The following TGFBRAP1 variants were observed in gnomAD, a reference collection of about 807,000 sequenced individuals.
TGFBRAP1 encodes the protein transforming growth factor-beta receptor-associated protein 1.
In TGFBRAP1, 20 loss-of-function variants were observed where a neutral mutation model predicts 83.2. That is an observed-to-expected ratio of 0.24 (90% confidence interval 0.17 to 0.35). The LOEUF (loss-of-function observed/expected upper bound fraction) is 0.35, where lower values mean the gene tolerates loss of function less well. TGFBRAP1 is among the 10% of genes least tolerant of loss of function. The pLI is 1.00. For synonymous variants in TGFBRAP1, 415 were observed against 459.8 expected (o/e 0.90, Z 1.25); for missense variants, 950 against 1,099.4 (o/e 0.86, Z 1.92).
intron 5 of TGFBRAP1, among the ~76,000 whole-genome samples, chr2:105,281,451 G>A (rs559044928): frequency 1.3e-5 from 2 of 152,236 alleles, no homozygotes; most frequent in East Asian, 3.9e-4. Context: ...CACATGGAAT[G>A]GCGAGGAAGG....
At position 105,279,537 on chromosome 2, in the gene TGFBRAP1, AGG is replaced by A. The variant is rs533185964; in HGVS notation, c.1463+843_1463+844del. Among the ~76,000 whole-genome samples the A allele has an allele frequency of 2.9e-3, 448 of 151,946 alleles. 2 individuals carry two copies. Among genetic ancestry groups the A allele is most frequent in the African/African-American group, 0.01 (432 of 41,532 alleles). On this transcript the variant is annotated intron_variant, in intron 6 of 11. Coordinates refer to ENST00000393359, the MANE Select transcript of TGFBRAP1 (RefSeq NM_004257.6). Reference sequence around the variant, plus strand: ...CAGCTTCCCAAAATGCTGGGATTACAGGCATGAACCCCCATGTCCAGCCAAGG... The same window carrying A: ...CAGCTTCCCAAAATGCTGGGATTACACATGAACCCCCATGTCCAGCCAAGG...
chr2:105,316,462 T>TGTGTGTGTGTGTGCGCGCGCGCGCGC, intron 1 of TGFBRAP1, among the ~76,000 whole-genome samples: 1 of 84,816 alleles, frequency 1.2e-5, no homozygotes, highest in Non-Finnish European at 2.3e-5. Context: ...TGTGTGTGTG[T>TGTGTGTGTGTGTGCGCGCGCGCGCGC]GCGCGCGCGC....
Position 105,272,963 on chromosome 2 carries a change from G to A in TGFBRAP1, c.1864C>T (p.Leu622=), listed in dbSNP as rs535722402. Reference sequence around the variant, plus strand: ...TTGCCACTGGCGGAGGCCCTCTGCAGCAGCACCTCTTCCAGGTACAGCACA... The same window carrying A: ...TTGCCACTGGCGGAGGCCCTCTGCAACAGCACCTCTTCCAGGTACAGCACA... ...LAVLYLEEVL[L]QRASASGKGA... is the part of the protein sequence containing the mutation. Residue 622 remains leucine, a synonymous_variant, in exon 10 of 12, where the codon CTG becomes TTG. Transcript: ENST00000393359. 6.2e-7 allele frequency: 1 copy of A among 1,613,598 alleles called. No homozygotes were observed. The highest frequency in any genetic ancestry group is 1.3e-5 in the African/African-American group (1 of 75,020).
At chr2:105,327,818 G>C (rs997158483) in intron 1 of TGFBRAP1, among the ~76,000 whole-genome samples, 1 of 152,162 alleles carries the variant, frequency 6.6e-6, no homozygotes, top group East Asian at 1.9e-4. Flanking sequence ...CATGAGTGTA[G>C]AAGAAAAGGC....
chr2:105,314,390 AC>A (rs1678786594), intron 1 of TGFBRAP1, among the ~76,000 whole-genome samples: 1 of 151,076 alleles, frequency 6.6e-6, no homozygotes, highest in Admixed American at 6.6e-5. Flanking sequence ...AGCTGGGACT[AC>A]AGGCGCCTGC....
chr2:105,250,643 G>C, the TGFBRAP1 span, among the ~76,000 whole-genome samples: 1 of 125,542 alleles, frequency 8.0e-6, no homozygotes, highest in Non-Finnish European at 1.7e-5. Flanking sequence ...CTCTCCCCAC[G>C]GTCTCCCTCT....
intron 1 of TGFBRAP1, among the ~76,000 whole-genome samples, chr2:105,311,145 T>TAAAAA (rs11389565): frequency 1.6e-5 from 2 of 125,452 alleles, no homozygotes; most frequent in Admixed American, 8.0e-5. Context: ...GAGAGAGCTG[T>TAAAAA]AAAAAAAAAA....
chr2:105,316,462 T>TGTGTGTGTGTGTGTGCGCGC (rs1177329674), intron 1 of TGFBRAP1, among the ~76,000 whole-genome samples: 5 of 84,814 alleles, frequency 5.9e-5, no homozygotes, highest in African/African-American at 2.2e-4. Context: ...TGTGTGTGTG[T>TGTGTGTGTGTGTGTGCGCGC]GCGCGCGCGC....
intron 3 of TGFBRAP1, 37 bp downstream of exon 3, chr2:105,298,474 A>C (rs754909443): frequency 1.3e-6 from 2 of 1,532,020 alleles, no homozygotes; most frequent in Non-Finnish European, 8.8e-7. Context: ...TAAAAGAGTT[A>C]AGTAAATTTC....
chr2:105,316,746 G>A (rs574673150), intron 1 of TGFBRAP1, among the ~76,000 whole-genome samples: 15 of 151,744 alleles, frequency 9.9e-5, no homozygotes, highest in Admixed American at 5.2e-4. Context: ...CCTGGGAGGC[G>A]GAGGTTGCAG....
intron 1 of TGFBRAP1, among the ~76,000 whole-genome samples, chr2:105,320,890 A>G (rs1179081222): frequency 6.6e-6 from 1 of 152,214 alleles, no homozygotes; most frequent in Non-Finnish European, 1.5e-5. Flanking sequence ...ACCATTAACT[A>G]CAGTGGTGGG....
chr2:105,302,237 A>G (rs570506149), intron 2 of TGFBRAP1, among the ~76,000 whole-genome samples: 72 of 152,332 alleles, frequency 4.7e-4, no homozygotes, highest in African/African-American at 1.6e-3. Context: ...GTACTTTCAT[A>G]GGTTGCTGGG....
rs985835516 is a variant in TGFBRAP1 at position 105,265,943 on chromosome 2, A to G, written c.*1440T>C. ...CTCAGTAAGGCTTGGGCTGATGAAG[A>G]GAGGGTGTATTCAGGGTCCTCTCTT... On this transcript the variant is annotated 3_prime_UTR_variant, in exon 12 of 12. Coordinates refer to ENST00000393359, the MANE Select transcript of TGFBRAP1 (RefSeq NM_004257.6). The G allele has an allele frequency of 1.8e-4, 27 of 152,232 alleles. No homozygotes were observed. The highest frequency in any genetic ancestry group is 6.5e-4 in the African/African-American group (27 of 41,450). 9.4% of individuals were successfully genotyped at this position (152,232 alleles called of 1,614,324 possible).
intron 4 of TGFBRAP1, among the ~76,000 whole-genome samples, chr2:105,294,014 A>T (rs1331710458): frequency 2.0e-5 from 3 of 152,034 alleles, no homozygotes; most frequent in African/African-American, 7.2e-5. Context: ...TATTTTTTCG[A>T]GTAGAGAAGT....
At chr2:105,250,574 CCCTCTCCCT>C in the TGFBRAP1 span, among the ~76,000 whole-genome samples, 2 of 90,744 alleles carry the variant, frequency 2.2e-5, no homozygotes, top group African/African-American at 6.2e-5. Flanking sequence ...CTCCTCCTCT[CCCTCTCCCT>C]CCTCTCCCTC....
intron 1 of TGFBRAP1, among the ~76,000 whole-genome samples, chr2:105,327,826 G>A (rs1030002390): frequency 6.6e-6 from 1 of 152,102 alleles, no homozygotes; most frequent in African/African-American, 2.4e-5. Flanking sequence ...TAGAAGAAAA[G>A]GCAGAGTGAA....
intron 4 of TGFBRAP1, among the ~76,000 whole-genome samples, chr2:105,293,092 G>C (rs974112247): frequency 6.6e-6 from 1 of 152,124 alleles, no homozygotes; most frequent in African/African-American, 2.4e-5. Flanking sequence ...TGCTGATATG[G>C]GGGAATGACG....
chr2:105,298,777 G>C, intron 2 of TGFBRAP1, 72 bp from the exon 3 acceptor site: 2 of 1,421,640 alleles, frequency 1.4e-6, no homozygotes, highest in Non-Finnish European at 1.9e-6. Context: ...GCTATGTCTG[G>C]ATGCAGACCG....
At chr2:105,273,066 A>G (rs1437525404) in intron 9 of TGFBRAP1, 52 bp from the exon 10 acceptor site, 1 of 1,588,262 alleles carries the variant, frequency 6.3e-7, no homozygotes, top group Non-Finnish European at 8.6e-7. Flanking sequence ...CAAGTGGGAA[A>G]GTCAAAGCTC....
Sources: gnomAD v4.1 joint callset for allele counts (sites outside exome capture counted in the v4.1 genomes callset) on GRCh38, gnomAD v4.1.1 for gene constraint, MANE v1.5 for transcripts, NCBI Gene and HGNC (gene_info 2026-07-23, HGNC 2026-07-21) for gene names.